Variants in PLD1 observed in about 807,000 individuals in gnomAD.
PLD1 encodes phospholipase D1.
In PLD1, 112 loss-of-function variants were observed where a neutral mutation model predicts 137.1. The observed-to-expected ratio is 0.82, with a 90% CI of 0.70 to 0.96. The LOEUF is 0.96. PLD1 is among the 40% of genes least tolerant of loss of function. The probability of loss-of-function intolerance (pLI) is 0.00; values close to 1 mark genes in which losing one functional copy is unlikely to be tolerated. For missense variants in PLD1, 1,321 were observed against 1,342.0 expected, an observed-to-expected ratio of 0.98 and a Z score of 0.24; for synonymous variants, 431 against 454.7, an observed-to-expected ratio of 0.95 and a Z score of 0.66.
chr3:171,699,845 G>A lies in PLD1; in HGVS notation c.1146-19C>T. ...ACTCAGCCTGAAACAATGAAACCAA[G>A]ATTTTAAGTAACTAAAACAAAATAT... On this transcript the variant is annotated intron_variant, in intron 11 of 26. Transcript: ENST00000351298. 2.5e-6 allele frequency: 4 copies of A among 1,587,256 alleles called. No homozygotes were observed. In the South Asian group the frequency reaches 3.3e-5, roughly 13 times the overall value.
chr3:171,695,651 C>CT (rs1715617963), intron 12 of PLD1, among the ~76,000 whole-genome samples: 1 of 152,194 alleles, frequency 6.6e-6, no homozygotes, highest in Non-Finnish European at 1.5e-5. Flanking sequence ...TCTTAGCCAA[C>CT]TTTTCCTCCG....
intron 24 of PLD1, among the ~76,000 whole-genome samples, chr3:171,616,895 C>T (rs1733158075): frequency 6.6e-6 from 1 of 152,154 alleles, no homozygotes; most frequent in Non-Finnish European, 1.5e-5. Context: ...ACGAACTCTA[C>T]CCCGTTTTAG....
chr3:171,623,069 G>A (rs1367090606), intron 23 of PLD1, among the ~76,000 whole-genome samples: 3 of 151,902 alleles, frequency 2.0e-5, no homozygotes, highest in Admixed American at 6.6e-5. Flanking sequence ...TCTTGTTCTG[G>A]GATAGAACAA....
chr3:171,620,762 ATATATATT>A (rs1171992872), intron 23 of PLD1, among the ~76,000 whole-genome samples: 17 of 129,324 alleles, frequency 1.3e-4, no homozygotes, highest in African/African-American at 5.9e-4. Context: ...ATATATATAT[ATATATATT>A]ATATATATTT....
At chr3:171,699,539 T>C (rs1041190788) in intron 12 of PLD1, among the ~76,000 whole-genome samples, 3 of 152,204 alleles carry the variant, frequency 2.0e-5, no homozygotes, top group Non-Finnish European at 4.4e-5. Context: ...ACATAATCCA[T>C]GCTGTGAATT....
intron 6 of PLD1, among the ~76,000 whole-genome samples, chr3:171,731,272 T>C (rs865941527): frequency 2.6e-5 from 4 of 152,248 alleles, no homozygotes; most frequent in African/African-American, 9.6e-5. Flanking sequence ...TTTTAACAGA[T>C]ACTTTTTTAG....
intron 23 of PLD1, among the ~76,000 whole-genome samples, chr3:171,629,473 AGCTACCAAT>A (rs1734460695): frequency 6.6e-6 from 1 of 152,238 alleles, no homozygotes; most frequent in Non-Finnish European, 1.5e-5. Context: ...ATCCCCATCA[AGCTACCAAT>A]GACTTTCTTC....
intron 19 of PLD1, among the ~76,000 whole-genome samples, chr3:171,671,144 T>C (rs182198665): frequency 1.4e-3 from 213 of 152,364 alleles, no homozygotes; most frequent in Non-Finnish European, 1.8e-3. Context: ...TGTGTGCTTT[T>C]ATGATTTGTT....
chr3:171,773,942 G>A (rs539175987), intron 1 of PLD1, among the ~76,000 whole-genome samples: 1 of 152,190 alleles, frequency 6.6e-6, no homozygotes, highest in African/African-American at 2.4e-5. Context: ...TAGAGACGGG[G>A]TTTCACCGTG....
intron 20 of PLD1, among the ~76,000 whole-genome samples, chr3:171,660,222 T>C (rs922952824): frequency 2.6e-5 from 4 of 152,230 alleles, no homozygotes; most frequent in African/African-American, 9.6e-5. Context: ...TATATAAGCT[T>C]TTATACTTAA....
At chr3:171,614,655 C>A (rs536215341) in intron 24 of PLD1, among the ~76,000 whole-genome samples, 3 of 152,232 alleles carry the variant, frequency 2.0e-5, no homozygotes, top group Non-Finnish European at 4.4e-5. Context: ...CATGTGTGAA[C>A]TGTAGGAGCT....
intron 24 of PLD1, among the ~76,000 whole-genome samples, chr3:171,614,434 C>T (rs1343019642): frequency 6.6e-6 from 1 of 152,062 alleles, no homozygotes; most frequent in Non-Finnish European, 1.5e-5. Flanking sequence ...ATAATATAGA[C>T]CTTGTAGGGA....
intron 13 of PLD1, among the ~76,000 whole-genome samples, 195 bp downstream of exon 13, chr3:171,692,137 G>A (rs986902467): frequency 1.7e-4 from 26 of 152,166 alleles, no homozygotes; most frequent in African/African-American, 6.3e-4. Context: ...GCAGAAATGT[G>A]AGATCTGCTT....
At chr3:171,708,918 G>A (rs1464615940) in intron 10 of PLD1, 80 bp from the exon 11 acceptor site, 5 of 806,722 alleles carry the variant, frequency 6.2e-6, no homozygotes, top group Non-Finnish European at 8.4e-6. Context: ...AGCAAAACAT[G>A]GAAGCCACTG....
intron 23 of PLD1, among the ~76,000 whole-genome samples, chr3:171,627,341 A>T (rs1011184497): frequency 2.6e-5 from 4 of 152,156 alleles, no homozygotes; most frequent in African/African-American, 4.8e-5. Flanking sequence ...CCAATACAGG[A>T]GCACCCAGAT....
chr3:171,692,492 T>C (rs1268871713), intron 12 of PLD1, 50 bp from the exon 13 acceptor site: 3 of 875,200 alleles, frequency 3.4e-6, no homozygotes, highest in Admixed American at 1.8e-5. Flanking sequence ...GGAGGGAAGT[T>C]ACAATTCATT....
In PLD1 at chr3:171,642,840, G is replaced by C; in HGVS notation, c.2593C>G (p.Leu865Val). The C allele has an allele frequency of 1.3e-6, 2 of 1,552,816 alleles. No homozygotes were observed. The highest frequency in any genetic ancestry group is 1.2e-5 in the South Asian group (1 of 86,186). The change falls in exon 23 of 27, where the codon CTT (leucine) becomes GTT (valine). Residue 865 changes from leucine to valine, a missense_variant and splice_region_variant. Leu to Val is a conservative substitution (Grantham distance 32). Transcript: ENST00000351298. ...TATGAGAAAAAAAGCAGTTACTTAC[G>C]CTCTGCTTTTAACTGTCCAAGGATG... Reference protein sequence around the residue: ...NSILGQLKAELGNQWINYISF... With the variant: ...NSILGQLKAEVGNQWINYISF...
At chr3:171,765,003 A>G (rs949982608) in intron 1 of PLD1, 6 of 150,256 alleles carry the variant, frequency 4.0e-5, no homozygotes, top group African/African-American at 1.5e-4. Context: ...AGAAAGAAAG[A>G]AAGAGAAAAA....
intron 12 of PLD1, among the ~76,000 whole-genome samples, chr3:171,697,612 C>G (rs1715870686): frequency 6.6e-6 from 1 of 152,160 alleles, no homozygotes; most frequent in South Asian, 2.1e-4. Flanking sequence ...TATGCTAACA[C>G]TCAGATGTGA....
Sources: gnomAD v4.1 joint callset for allele counts (sites outside exome capture counted in the v4.1 genomes callset) on GRCh38, gnomAD v4.1.1 for gene constraint, MANE v1.5 for transcripts, NCBI Gene and HGNC (gene_info 2026-07-23, HGNC 2026-07-21) for gene names.